ADAMTS14: variants seen among roughly 807,000 people sequenced by gnomAD.
The protein encoded by ADAMTS14 is A disintegrin and metalloproteinase with thrombospondin motifs 14.
Under a neutral mutation model 128.6 loss-of-function variants are expected in ADAMTS14, and 100 were observed. That is an observed-to-expected ratio of 0.78 (90% CI 0.66 to 0.92). ADAMTS14 has a LOEUF of 0.92. ADAMTS14 is among the 40% of genes least tolerant of loss of function. The probability of loss-of-function intolerance (pLI) is 0.00; values close to 1 mark genes in which losing one functional copy is unlikely to be tolerated. For missense variants in ADAMTS14, 1,562 were observed against 1,658.6 expected (o/e 0.94, Z 1.01); for synonymous variants, 665 against 653.8 (o/e 1.02, Z -0.26).
chr10:70,708,822 GTGGGCCCCACCCCACCCCAC>G (rs753375149), intron 4 of ADAMTS14, 44 bp downstream of exon 4: 18 of 1,308,060 alleles, frequency 1.4e-5, no homozygotes, highest in African/African-American at 6.1e-5. Flanking sequence ...GTGGGGTGGG[GTGGGCCCCACCCCACCCCAC>G]TGGGCCCCAG....
At chr10:70,707,947 C>T (rs1225030450) in intron 3 of ADAMTS14, among the ~76,000 whole-genome samples, 1 of 152,154 alleles carries the variant, frequency 6.6e-6, no homozygotes, top group Non-Finnish European at 1.5e-5. Context: ...CCCCCAGAGC[C>T]TAAAATATTT....
chr10:70,729,136 CCT>C (rs1223923983), intron 4 of ADAMTS14, among the ~76,000 whole-genome samples, 156 bp from the exon 5 acceptor site: 1 of 152,050 alleles, frequency 6.6e-6, no homozygotes, highest in Non-Finnish European at 1.5e-5. Flanking sequence ...CATTTTGCCC[CCT>C]CAGTCTCAGT....
At position 70,741,078 on chromosome 10, in the gene ADAMTS14, C is replaced by T. The variant is rs550020482; in HGVS notation, c.1840C>T (p.Arg614Trp). 1.2e-5 allele frequency: 19 copies of T among 1,614,010 alleles called. No individual in the cohort carries two copies. The Middle Eastern group carries it at 6.6e-4, about 56-fold the overall frequency. Residue 614 changes from arginine (R) to tryptophan (W), a missense_variant, in exon 12 of 22, where the codon CGG becomes TGG. By Grantham distance (101) the Arg-to-Trp change is moderately radical. Coordinates refer to ENST00000373207, the MANE Select transcript of ADAMTS14 (RefSeq NM_080722.4). ...GTGCCCTGGGACCTACGAGGACTTC[C>T]GGGCCCAGCAGTGTGCCAAGCGCAA... ...EECPGTYEDFRAQQCAKRNSY... is the reference protein window; with the variant it reads ...EECPGTYEDFWAQQCAKRNSY...
intron 2 of ADAMTS14, among the ~76,000 whole-genome samples, chr10:70,683,388 G>A (rs1298491482): frequency 6.6e-6 from 1 of 152,194 alleles, no homozygotes; most frequent in African/African-American, 2.4e-5. Context: ...GGAGTCTTTG[G>A]AAAGAAAGGG....
chr10:70,741,792 A>G (rs1362834935), intron 12 of ADAMTS14, among the ~76,000 whole-genome samples: 1 of 152,138 alleles, frequency 6.6e-6, no homozygotes, highest in Admixed American at 6.5e-5. Context: ...GCCAGTTCCC[A>G]TCTATTTTTG....
At position 70,741,142 on chromosome 10, in the gene ADAMTS14, T is replaced by C. The variant is rs1458494016; in HGVS notation, c.1904T>C (p.Val635Ala). Residue 635 changes from valine (V) to alanine (A), a missense_variant, in exon 12 of 22, where the codon GTG becomes GCG. Val to Ala is a moderately conservative substitution (Grantham distance 64). Coordinates refer to ENST00000373207, the MANE Select transcript of ADAMTS14 (RefSeq NM_080722.4). The part of the protein sequence containing the change: ...YVHQNAKHSW[V>A]PYEPDDDAQK... ...CACCAGAATGCCAAGCACAGCTGGGTGCCCTACGAGCCTGACGATGGTGAG... is the reference window on the plus strand; with the variant it reads ...CACCAGAATGCCAAGCACAGCTGGGCGCCCTACGAGCCTGACGATGGTGAG... The C allele has an allele frequency of 2.4e-5, 38 of 1,613,340 alleles. No individual in the cohort carries two copies. The highest frequency in any genetic ancestry group is 3.1e-5 in the Non-Finnish European group (37 of 1,179,936).
At chr10:70,740,066 C>T (rs900644186) in intron 11 of ADAMTS14, among the ~76,000 whole-genome samples, 2 of 152,172 alleles carry the variant, frequency 1.3e-5, no homozygotes, top group African/African-American at 4.8e-5. Flanking sequence ...ATTTATTGAG[C>T]TCCTGTGTAA....
At chr10:70,752,657 C>T (rs1214165277) in intron 18 of ADAMTS14, among the ~76,000 whole-genome samples, 2 of 152,138 alleles carry the variant, frequency 1.3e-5, no homozygotes, top group Non-Finnish European at 2.9e-5. Flanking sequence ...CCAGGCTTCC[C>T]TAGTACACCC....
chr10:70,676,172 AGGCTGGAGTGCAGT>A (rs1411013926), intron 2 of ADAMTS14, among the ~76,000 whole-genome samples: 1 of 150,130 alleles, frequency 6.7e-6, no homozygotes, highest in Admixed American at 6.7e-5. Flanking sequence ...TATGTTGCCC[AGGCTGGAGTGCAGT>A]GGCTATTCAC....
chr10:70,735,167 A>G lies in ADAMTS14; in HGVS notation c.1353-2A>G, dbSNP rs1323357590. 1 of 1,611,000 alleles carries G rather than the reference A, an allele frequency of 6.2e-7. No individual in the cohort carries two copies. On this transcript the variant is annotated splice_acceptor_variant, in intron 8 of 21. Transcript: ENST00000373207. LOFTEE classifies it high-confidence loss of function. ...GCTCACCTTCCTTGTCTCTACTGGC[A>G]GCTCCTACGACTGCCTCCTCGATGA... is the stretch of plus-strand genomic sequence containing the variant.
intron 7 of ADAMTS14, 108 bp from the exon 8 acceptor site, chr10:70,733,777 G>A (rs1841727382): frequency 7.2e-7 from 1 of 1,393,808 alleles, no homozygotes; most frequent in Non-Finnish European, 9.7e-7. Flanking sequence ...AGAGCGATCT[G>A]AGCTCCGGGT....
intron 2 of ADAMTS14, among the ~76,000 whole-genome samples, chr10:70,681,212 T>G (rs1047879736): frequency 1.3e-5 from 2 of 152,150 alleles, no homozygotes; most frequent in Non-Finnish European, 2.9e-5. Context: ...GGAAGCATAA[T>G]GCATGCCAGG....
At chr10:70,689,187 C>T (rs990657880) in intron 2 of ADAMTS14, among the ~76,000 whole-genome samples, 1 of 144,066 alleles carries the variant, frequency 6.9e-6, no homozygotes, top group African/African-American at 2.5e-5. Context: ...AATATGCCGT[C>T]CCCTAATCCA....
intron 4 of ADAMTS14, among the ~76,000 whole-genome samples, chr10:70,724,849 T>C (rs752389849): frequency 1.3e-5 from 2 of 152,160 alleles, no homozygotes; most frequent in Non-Finnish European, 2.9e-5. Flanking sequence ...CCTTATTTAG[T>C]ATAAGAAAAG....
intron 4 of ADAMTS14, among the ~76,000 whole-genome samples, chr10:70,727,414 T>C (rs1462693614): frequency 6.6e-6 from 1 of 152,192 alleles, no homozygotes; most frequent in Non-Finnish European, 1.5e-5. Flanking sequence ...CTGAAGGGCA[T>C]GGGGAGATGG....
At chr10:70,706,158 C>T (rs559005011) in intron 3 of ADAMTS14, among the ~76,000 whole-genome samples, 208 of 152,218 alleles carry the variant, frequency 1.4e-3, no homozygotes, top group Admixed American at 2.3e-3. Context: ...CTGGAGCCCC[C>T]CCACAGCATC....
At chr10:70,736,586 G>A (rs1431131557) in intron 9 of ADAMTS14, 94 bp from the exon 10 acceptor site, 1 of 1,174,562 alleles carries the variant, frequency 8.5e-7, no homozygotes, top group East Asian at 2.6e-5. Context: ...CTGGGTGCCT[G>A]CACTCATCAC....
intron 2 of ADAMTS14, among the ~76,000 whole-genome samples, chr10:70,701,582 C>T (rs768120241): frequency 1.3e-5 from 2 of 152,150 alleles, no homozygotes; most frequent in African/African-American, 2.4e-5. Context: ...CTGTGATGAC[C>T]GCCTTCACTG....
chr10:70,704,110 C>T (rs935510534), intron 3 of ADAMTS14, among the ~76,000 whole-genome samples: 19 of 152,298 alleles, frequency 1.2e-4, no homozygotes, highest in South Asian at 4.1e-4. Context: ...TGGCCAGGTG[C>T]TCAGAGCCTG....
Sources: gnomAD v4.1 joint callset for allele counts (sites outside exome capture counted in the v4.1 genomes callset) on GRCh38, gnomAD v4.1.1 for gene constraint, MANE v1.5 for transcripts, NCBI Gene and HGNC (gene_info 2026-07-23, HGNC 2026-07-21) for gene names.